The following AFDN variants were observed in gnomAD, a reference collection of about 807,000 sequenced individuals.
AFDN encodes the protein afadin.
A neutral mutation model predicts 216.6 loss-of-function variants in AFDN; 68 were observed. The ratio of observed to expected loss-of-function variants is 0.31; its 90% CI spans 0.26 to 0.38. AFDN has a LOEUF of 0.38. Ranked by LOEUF, AFDN falls within the 10% of genes least tolerant of loss-of-function variation. The pLI is 1.00. For synonymous variants in AFDN, 868 were observed against 853.7 expected (o/e 1.02, Z -0.29); for missense variants, 2,136 against 2,342.0 (o/e 0.91, Z 1.82).
chr6:167,839,443 A>G (rs2128122751), intron 1 of AFDN, among the ~76,000 whole-genome samples: 1 of 152,156 alleles, frequency 6.6e-6, no homozygotes, highest in Non-Finnish European at 1.5e-5. Flanking sequence ...TTATATGAGG[A>G]TAATGTACTT....
At chr6:167,831,885 G>A (rs1322733475) in intron 1 of AFDN, among the ~76,000 whole-genome samples, 1 of 152,190 alleles carries the variant, frequency 6.6e-6, no homozygotes, top group East Asian at 1.9e-4. Context: ...GAATTTTGGT[G>A]TAATGTCAGA....
In AFDN at chr6:167,911,430, A is replaced by C. The variant is rs763129443; in HGVS notation, c.1978A>C (p.Thr660Pro). 1.6e-5 allele frequency: 26 copies of C among 1,614,022 alleles called. No individual in the cohort carries two copies. The highest frequency in any genetic ancestry group is 2.1e-5 in the Non-Finnish European group (25 of 1,180,002). ...ACCTGACATCAGCCCTACAGAGCGCACACATAAAGTCATTGCAGTCGTCAA... is the reference window on the plus strand; with the variant it reads ...ACCTGACATCAGCCCTACAGAGCGCCCACATAAAGTCATTGCAGTCGTCAA... ...YRPDISPTER[T>P]HKVIAVVNKM... is the part of the protein sequence containing the mutation. The change falls in exon 15 of 34, where the codon ACA becomes CCA. Residue 660 changes from threonine (T) to proline (P), a missense_variant. By Grantham distance (38) the Thr-to-Pro change is conservative (BLOSUM62 -1). This residue lies in a region of AFDN where 817 missense variants were observed against 965.7 expected (regional missense o/e 0.85). Coordinates refer to ENST00000683244, the MANE Select transcript of AFDN (RefSeq NM_001386888.1).
chr6:167,918,952 C>T lies in AFDN; in HGVS notation c.2908+19C>T, dbSNP rs779915972. 2 of 1,601,284 alleles carry T rather than the reference C, an allele frequency of 1.2e-6. No homozygotes were observed. Among genetic ancestry groups the T allele is most frequent in the African/African-American group, 1.3e-5 (1 of 74,788 alleles). Reference sequence around the variant, plus strand: ...CAGAGAGGTAAATTAGTCTAAATGCCTGAGTCTGAGCTACGCCCCAGGTTG... The same window carrying T: ...CAGAGAGGTAAATTAGTCTAAATGCTTGAGTCTGAGCTACGCCCCAGGTTG... On this transcript the variant is annotated intron_variant, in intron 21 of 33. Transcript: ENST00000683244.
chr6:167,908,897 C>T (rs1790045163), intron 13 of AFDN, among the ~76,000 whole-genome samples: 1 of 152,052 alleles, frequency 6.6e-6, no homozygotes, highest in African/African-American at 2.4e-5. Context: ...TTAACTGATG[C>T]AGTCATGAAA....
chr6:167,916,500 T>C (rs956818867), intron 19 of AFDN, among the ~76,000 whole-genome samples: 14 of 152,318 alleles, frequency 9.2e-5, no homozygotes, highest in Non-Finnish European at 1.0e-4. Context: ...AGTTTTAAAA[T>C]GGATGATAAT....
At position 167,924,005 on chromosome 6, in the gene AFDN, G is replaced by A. The variant is rs535225186; in HGVS notation, c.3013-1000G>A. On this transcript the variant is annotated intron_variant, in intron 22 of 33. Coordinates refer to ENST00000683244, the MANE Select transcript of AFDN (RefSeq NM_001386888.1). ...CAGCAACTTCTGTTTACCCAATTTT[G>A]TGGAAAAACAAGTACCTTCTAGGTA... 1.4e-4 allele frequency among the ~76,000 whole-genome samples: 21 copies of A among 151,912 alleles called. No individual in the cohort carries two copies. The South Asian group carries it at 4.4e-3, about 32-fold the overall frequency.
In AFDN at chr6:167,834,436, T is replaced by G. The variant is rs371200875; in HGVS notation, c.105+7199T>G. ...GTGAATGCCATTAATTGGAATGATT[T>G]TTGTTGTTGTTGTTGTTTCGGTTTT... On this transcript the variant is annotated intron_variant, in intron 1 of 33. Transcript: ENST00000683244. Among the ~76,000 whole-genome samples the G allele has an allele frequency of 8.6e-5, 13 of 151,300 alleles. No homozygotes were observed. In the South Asian group the frequency reaches 1.9e-3, roughly 22 times the overall value.
intron 5 of AFDN, among the ~76,000 whole-genome samples, chr6:167,877,100 G>A (rs952675304): frequency 2.9e-4 from 44 of 152,308 alleles, no homozygotes; most frequent in Non-Finnish European, 2.9e-5. Flanking sequence ...CAGTGGGACT[G>A]TAAAGAGAGA....
chr6:167,953,806 G>A (rs1040357736), intron 30 of AFDN, among the ~76,000 whole-genome samples: 10 of 152,278 alleles, frequency 6.6e-5, no homozygotes, highest in African/African-American at 1.2e-4. Context: ...AGATGGATTC[G>A]TTAGGATCCT....
intron 1 of AFDN, among the ~76,000 whole-genome samples, chr6:167,836,971 T>C (rs552382745): frequency 1.3e-5 from 2 of 152,348 alleles, no homozygotes; most frequent in African/African-American, 4.8e-5. Flanking sequence ...TATTTAAAAA[T>C]GTGTTTTTAA....
chr6:167,837,007 G>T (rs1357658498), intron 1 of AFDN, among the ~76,000 whole-genome samples: 1 of 152,160 alleles, frequency 6.6e-6, no homozygotes, highest in African/African-American at 2.4e-5. Context: ...GGTGACTTCA[G>T]TGAGTTCATA....
chr6:167,941,744 TGTGTGG>T (rs1794709145), intron 23 of AFDN, among the ~76,000 whole-genome samples: 1 of 73,230 alleles, frequency 1.4e-5, no homozygotes, highest in African/African-American at 5.9e-5. Flanking sequence ...ACAGGAGAGA[TGTGTGG>T]ATAGACACAG....
At chr6:167,904,986 T>G (rs1356951631) in intron 12 of AFDN, among the ~76,000 whole-genome samples, 1 of 152,190 alleles carries the variant, frequency 6.6e-6, no homozygotes, top group Non-Finnish European at 1.5e-5. Flanking sequence ...TCTCTGTTGC[T>G]CACTCAGGCC....
At chr6:167,934,817 C>T (rs187102889) in intron 23 of AFDN, among the ~76,000 whole-genome samples, 9 of 152,290 alleles carry the variant, frequency 5.9e-5, no homozygotes, top group African/African-American at 9.6e-5. Flanking sequence ...TCCGCCTGAC[C>T]GAGCCTCCCT....
chr6:167,915,992 C>T (rs1380002690), intron 19 of AFDN, among the ~76,000 whole-genome samples: 1 of 152,196 alleles, frequency 6.6e-6, no homozygotes, highest in Non-Finnish European at 1.5e-5. Flanking sequence ...TTAAGGAATA[C>T]TGAACCTGTG....
chr6:167,846,304 T>A (rs1281039196), intron 1 of AFDN, among the ~76,000 whole-genome samples: 2 of 152,082 alleles, frequency 1.3e-5, no homozygotes, highest in Non-Finnish European at 2.9e-5. Flanking sequence ...GTTAATGAGA[T>A]CTTTAAATGT....
intron 2 of AFDN, 53 bp downstream of exon 2, chr6:167,864,799 A>G: frequency 1.9e-6 from 3 of 1,558,702 alleles, no homozygotes; most frequent in Non-Finnish European, 2.7e-6. Context: ...CTGTGAAGAG[A>G]CAGCTTGTCC....
chr6:167,863,867 T>G, intron 1 of AFDN: 1 of 506,838 alleles, frequency 2.0e-6, no homozygotes. Context: ...TTTAGAAAAT[T>G]AGTTACAACT....
rs1378860229 is a variant in AFDN, at chr6:167,965,886, G to C, written c.5098G>C (p.Glu1700Gln). ...CCGCCCTCCGCTTCCCCGGGACTACGAGCCCCCGTCCCCGTCCCCCGCGCC... is the reference window on the plus strand; with the variant it reads ...CCGCCCTCCGCTTCCCCGGGACTACCAGCCCCCGTCCCCGTCCCCCGCGCC... The part of the protein sequence containing the change: ...LCRPPLPRDY[E>Q]PPSPSPAPGA... The change falls in exon 32 of 34, where the codon GAG (glutamate) becomes CAG (glutamine). Residue 1700 changes from glutamate (E) to glutamine (Q), a missense_variant. Coordinates refer to ENST00000683244, the MANE Select transcript of AFDN (RefSeq NM_001386888.1). 1.1e-5 allele frequency: 17 copies of C among 1,548,910 alleles called. No homozygotes were observed. Among genetic ancestry groups the C allele is most frequent in the Non-Finnish European group, 1.5e-5 (17 of 1,146,504 alleles).
Sources: allele counts gnomAD v4.1 joint callset (sites outside exome capture counted in the v4.1 genomes callset), GRCh38; gene constraint gnomAD v4.1.1; regional missense constraint gnomAD v4.1.1; transcripts MANE v1.5; gene names NCBI Gene and HGNC (gene_info 2026-07-23, HGNC 2026-07-21).